MFRP: variants seen among roughly 807,000 people sequenced by gnomAD.
MFRP encodes C1q and TNF related 5.
Under a neutral mutation model 65.8 loss-of-function variants are expected in MFRP, and 74 were observed. That is an observed-to-expected ratio of 1.12 (90% CI 0.93 to 1.36). MFRP has a LOEUF of 1.36. Ranked by LOEUF, MFRP falls within the 40% of genes most tolerant of loss-of-function variation. MFRP has a pLI of 0.00. For synonymous variants in MFRP, 336 were observed against 288.3 expected (o/e 1.17, Z -1.68); for missense variants, 838 against 736.0 (o/e 1.14, Z -1.60).
intron 9 of MFRP, 131 bp from the exon 10 acceptor site, chr11:119,343,134 G>A: frequency 8.6e-7 from 1 of 1,165,248 alleles, no homozygotes. Flanking sequence ...ACAGGGTTAG[G>A]GTCTGGCGAG....
At position 119,340,281 on chromosome 11, in the gene MFRP, GC is replaced by G; in HGVS notation, c.*1012del. ...CCGGCAAGCCCTGGCTGCCATGGTG[GC>G]CCGGCGTGCCTGGAAGGCCGGGGTG... On this transcript the variant is annotated 3_prime_UTR_variant, in exon 14 of 15. Coordinates refer to ENST00000619721, the MANE Select transcript of MFRP (RefSeq NM_031433.4). 1 of 1,530,594 alleles carries G rather than the reference GC, an allele frequency of 6.5e-7. No homozygotes were observed. The highest frequency in any genetic ancestry group is 8.8e-7 in the Non-Finnish European group (1 of 1,140,552). 94.8% of individuals were successfully genotyped at this position (1,530,594 alleles called of 1,614,324 possible).
At position 119,341,666 on chromosome 11, in the gene MFRP, A is replaced by G. The variant is rs1183212786; in HGVS notation, c.1622T>C (p.Val541Ala). 1.2e-6 allele frequency: 2 copies of G among 1,613,052 alleles called. No homozygotes were observed. Among genetic ancestry groups the G allele is most frequent in the Admixed American group, 3.3e-5 (2 of 60,026 alleles). ...LGSVLPPCRS[V>A]CQEAEHQCQS... ...GCACTGGTGCTCCGCTTCCTGGCAG[A>G]CAGAGCGGCAAGGGGGCAGAACACT... Residue 541 changes from valine to alanine, a missense_variant, in exon 13 of 15, where the codon GTC (valine) becomes GCC (alanine). Val to Ala is a moderately conservative substitution (Grantham distance 64). Transcript: ENST00000619721.
chr11:119,344,269 G>A, intron 8 of MFRP, 46 bp downstream of exon 8: 1 of 1,553,102 alleles, frequency 6.4e-7, no homozygotes, highest in Non-Finnish European at 8.9e-7. Context: ...GGGATCAGGT[G>A]CTTCCGTGTG....
chr11:119,339,705 C>T lies in MFRP; in HGVS notation c.*1254G>A, dbSNP rs1950478147. ...ACGCGGTCGAAGGGCAAGGGTGCGT[C>T]AGACGGCGGAGGCACCCGGCTCTCG... On this transcript the variant is annotated 3_prime_UTR_variant, in exon 15 of 15. Transcript: ENST00000619721. The surrounding 1 kb of genome is among the most constrained non-coding windows in gnomAD (Gnocchi z 5.4). 1 of 1,605,616 alleles carries T rather than the reference C, an allele frequency of 6.2e-7. No individual in the cohort carries two copies.
At chr11:119,343,130 T>C (rs552157139) in intron 9 of MFRP, 127 bp from the exon 10 acceptor site, 1 of 1,216,980 alleles carries the variant, frequency 8.2e-7, no homozygotes, top group African/African-American at 1.5e-5. Flanking sequence ...AGACACAGGG[T>C]TAGGGTCTGG....
rs1262318162 is a variant in MFRP, at chr11:119,339,703, G to A, written c.*1256C>T. The A allele has an allele frequency of 1.2e-6, 2 of 1,605,812 alleles. No individual in the cohort carries two copies. Among genetic ancestry groups the A allele is most frequent in the Non-Finnish European group, 1.7e-6 (2 of 1,179,106 alleles). ...GCACGCGGTCGAAGGGCAAGGGTGC[G>A]TCAGACGGCGGAGGCACCCGGCTCT... On this transcript the variant is annotated 3_prime_UTR_variant, in exon 15 of 15. Coordinates refer to ENST00000619721, the MANE Select transcript of MFRP (RefSeq NM_031433.4). This position sits in a 1 kb window ranked among gnomAD's most constrained non-coding sequence, Gnocchi z 5.4.
chr11:119,341,844 C>G lies in MFRP; in HGVS notation c.1515+13G>C, dbSNP rs769082401. The G allele has an allele frequency of 5.0e-6, 8 of 1,613,694 alleles. No homozygotes were observed. The East Asian group carries it at 1.8e-4, about 36-fold the overall frequency. On this transcript the variant is annotated intron_variant, in intron 12 of 14. Transcript: ENST00000619721. ...CCTCCCAGGCCCGCCCTCCTTCCCT[C>G]CACCCAGAAGACCTTGTAACCGCTG...
chr11:119,340,245 GC>G lies in MFRP; in HGVS notation c.*1048del, dbSNP rs1950488173. 6.6e-7 allele frequency: 1 copy of G among 1,514,660 alleles called. No homozygotes were observed. Among genetic ancestry groups the G allele is most frequent in the Non-Finnish European group, 8.8e-7 (1 of 1,134,412 alleles). 93.8% of individuals were successfully genotyped at this position (1,514,660 alleles called of 1,614,324 possible). ...CGGGCGCGCCGTCGCGGCCGTCGCG[GC>G]CATCGCGGCCCGGCAAGCCCTGGCT... On this transcript the variant is annotated 3_prime_UTR_variant, in exon 14 of 15. Coordinates refer to ENST00000619721, the MANE Select transcript of MFRP (RefSeq NM_031433.4).
Position 119,341,874 on chromosome 11 carries a change from C to A in MFRP, c.1498G>T (p.Val500Phe), listed in dbSNP as rs1245697906. 6.2e-7 allele frequency: 1 copy of A among 1,614,030 alleles called. No homozygotes were observed. The highest frequency in any genetic ancestry group is 2.2e-5 in the East Asian group (1 of 44,886). Residue 500 changes from valine to phenylalanine, a missense_variant, in exon 12 of 15, where the codon GTC becomes TTC. Physicochemically the swap from Val to Phe is conservative, Grantham distance 50. Transcript: ENST00000619721. ...GMITQEEVVE[V>F]LSGYKSLTSL... ...CAGAAGACCTTGTAACCGCTGAGGA[C>A]CTCTACCACCTCCTCCTGGGTGATC...
Position 119,342,621 on chromosome 11 carries a change from G to C in MFRP, c.1362C>G (p.Cys454Trp), listed in dbSNP as rs778370220. ...RDCTDGSDDN[C>W]SGPLFPPPEL... Reference sequence around the variant, plus strand: ...CTGGGGGTGGGAACAAGGGGCCGCTGCAGTTGTCATCGCTGCCATCGGTGC... The same window carrying C: ...CTGGGGGTGGGAACAAGGGGCCGCTCCAGTTGTCATCGCTGCCATCGGTGC... Residue 454 changes from cysteine (C) to tryptophan (W), a missense_variant, in exon 11 of 15, where the codon TGC (cysteine) becomes TGG (tryptophan). By Grantham distance (215) the Cys-to-Trp change is radical (BLOSUM62 -2). Transcript: ENST00000619721. 2.5e-6 allele frequency: 4 copies of C among 1,613,490 alleles called. No homozygotes were observed. The highest frequency in any genetic ancestry group is 2.5e-6 in the Non-Finnish European group (3 of 1,179,892).
At position 119,342,637 on chromosome 11, in the gene MFRP, C is replaced by A. The variant is rs377135056; in HGVS notation, c.1346G>T (p.Gly449Val). 6.2e-7 allele frequency: 1 copy of A among 1,613,508 alleles called. No individual in the cohort carries two copies. Among genetic ancestry groups the A allele is most frequent in the African/African-American group, 1.3e-5 (1 of 74,886 alleles). Residue 449 changes from glycine to valine, a missense_variant, in exon 11 of 15, where the codon GGC (glycine) becomes GTC (valine). By Grantham distance (109) the Gly-to-Val change is moderately radical. Coordinates refer to ENST00000619721, the MANE Select transcript of MFRP (RefSeq NM_031433.4). ...GGGGCCGCTGCAGTTGTCATCGCTG[C>A]CATCGGTGCAGTCTCTCCACATGTC... ...MCDMWRDCTD[G>V]SDDNCSGPLF...
Position 119,341,177 on chromosome 11 carries a change from CAG to C in MFRP, c.*369_*370del. The C allele has an allele frequency of 3.4e-6, 1 of 293,982 alleles. No individual in the cohort carries two copies. The highest frequency in any genetic ancestry group is 1.1e-3 in the Middle Eastern group (1 of 886). The allele number at this position is 293,982 out of a possible 1,614,324, so 18.2% of individuals were successfully genotyped here. On this transcript the variant is annotated 3_prime_UTR_variant, in exon 13 of 15. Coordinates refer to ENST00000619721, the MANE Select transcript of MFRP (RefSeq NM_031433.4). ...CCAGTTGGATCCCTAGGGCCTAGGA[CAG>C]GGGCCTGCCACATGAATAGATGCTC... is the stretch of plus-strand genomic sequence containing the variant.
In MFRP at chr11:119,339,692, G is replaced by A. The variant is rs771616296; in HGVS notation, c.*1267C>T. On this transcript the variant is annotated 3_prime_UTR_variant, in exon 15 of 15. Transcript: ENST00000619721. The surrounding 1 kb of genome is among the most constrained non-coding windows in gnomAD (Gnocchi z 5.4). ...CTCGTTCACCAGCACGCGGTCGAAGGGCAAGGGTGCGTCAGACGGCGGAGG... is the reference window on the plus strand; with the variant it reads ...CTCGTTCACCAGCACGCGGTCGAAGAGCAAGGGTGCGTCAGACGGCGGAGG... The A allele has an allele frequency of 1.2e-6, 2 of 1,608,732 alleles. No homozygotes were observed. The highest frequency in any genetic ancestry group is 2.2e-5 in the South Asian group (2 of 91,074).
At chr11:119,343,024 T>G in intron 9 of MFRP, 21 bp from the exon 10 acceptor site, 1 of 1,587,770 alleles carries the variant, frequency 6.3e-7, no homozygotes, top group Non-Finnish European at 8.6e-7. Context: ...CAGACAGCTG[T>G]TCTGGGCACC....
chr11:119,346,328 C>T lies in MFRP; in HGVS notation c.101G>A (p.Cys34Tyr), dbSNP rs751506817. The T allele has an allele frequency of 1.2e-6, 2 of 1,613,998 alleles. No homozygotes were observed. The highest frequency in any genetic ancestry group is 2.2e-5 in the South Asian group (2 of 91,084). The change falls in exon 2 of 15, where the codon TGC becomes TAC. Residue 34 changes from cysteine to tyrosine, a missense_variant. Transcript: ENST00000619721. ...ATCCTCTGGGAAAACTGGGGGAGGG[C>T]AGGGTGGCCCAGACTCAGGCTCGAA... ...PAFEPESGPP[C>Y]PPPVFPEDAS...
At chr11:119,340,556 C>G in intron 13 of MFRP, 116 bp from the exon 14 acceptor site, 1 of 744,368 alleles carries the variant, frequency 1.3e-6, no homozygotes. Context: ...AGGCTGAGCG[C>G]TCGCAGGGCC....
chr11:119,344,877 G>T lies in MFRP; in HGVS notation c.769C>A (p.Arg257Ser). The T allele has an allele frequency of 6.2e-7, 1 of 1,613,152 alleles. No homozygotes were observed. Among genetic ancestry groups the T allele is most frequent in the South Asian group, 1.1e-5 (1 of 91,036 alleles). Residue 257 changes from arginine (R) to serine (S), a missense_variant, in exon 6 of 15, where the codon CGC becomes AGC. Coordinates refer to ENST00000619721, the MANE Select transcript of MFRP (RefSeq NM_031433.4). ...AGGCAGGTGGGAACACACTCACCGCGCCCAGGGGCCATAGCCTGGTACCAG... is the reference window on the plus strand; with the variant it reads ...AGGCAGGTGGGAACACACTCACCGCTCCCAGGGGCCATAGCCTGGTACCAG... ...HAWYQAMAPG[R>S]GSCAHDEFRC...
In MFRP at chr11:119,339,515, C is replaced by G. The variant is rs557404721; in HGVS notation, c.*1444G>C. On this transcript the variant is annotated 3_prime_UTR_variant, in exon 15 of 15. Coordinates refer to ENST00000619721, the MANE Select transcript of MFRP (RefSeq NM_031433.4). The surrounding 1 kb of genome is among the most constrained non-coding windows in gnomAD (Gnocchi z 5.4). ...GAGCGAGGCTGGCTTGGGCCACCCC[C>G]CGAAAAACTGGAAGAAAGAGGCAAT... 1.9e-5 allele frequency: 31 copies of G among 1,613,804 alleles called. 1 individual carries two copies. The South Asian group carries it at 3.4e-4, about 18-fold the overall frequency.
At position 119,340,263 on chromosome 11, in the gene MFRP, G is replaced by A. The variant is rs745773787; in HGVS notation, c.*1031C>T. 3.3e-6 allele frequency: 5 copies of A among 1,525,714 alleles called. No homozygotes were observed. The South Asian group carries it at 6.1e-5, about 19-fold the overall frequency. 94.5% of individuals were successfully genotyped at this position (1,525,714 alleles called of 1,614,324 possible). ...CGTCGCGGCCATCGCGGCCCGGCAAGCCCTGGCTGCCATGGTGGCCCGGCG... is the reference window on the plus strand; with the variant it reads ...CGTCGCGGCCATCGCGGCCCGGCAAACCCTGGCTGCCATGGTGGCCCGGCG... On this transcript the variant is annotated 3_prime_UTR_variant, in exon 14 of 15. Transcript: ENST00000619721.
Sources: allele counts gnomAD v4.1 joint callset, GRCh38; gene constraint gnomAD v4.1.1; non-coding constraint Gnocchi (gnomAD v3.1); transcripts MANE v1.5; gene names NCBI Gene and HGNC (gene_info 2026-07-23, HGNC 2026-07-21).